FASTKD3: variants seen among roughly 807,000 people sequenced by gnomAD.
The protein encoded by FASTKD3 is FAST kinase domains 3.
In FASTKD3, 47 loss-of-function variants were observed where a neutral mutation model predicts 49.7. The ratio of observed to expected loss-of-function variants is 0.95; its 90% CI spans 0.75 to 1.21. FASTKD3 has a LOEUF of 1.21. Among genes scored for constraint, FASTKD3 ranks in the 50% most tolerant of loss-of-function variants. The pLI is 0.00. For missense variants in FASTKD3, 748 were observed against 765.7 expected (o/e 0.98, Z 0.27); for synonymous variants, 284 against 288.6 (o/e 0.98, Z 0.16).
At position 7,865,055 on chromosome 5, in the gene FASTKD3, G is replaced by A. The variant is rs545065692; in HGVS notation, c.1524+843C>T. 3.3e-5 allele frequency among the ~76,000 whole-genome samples: 5 copies of A among 152,152 alleles called. No individual in the cohort carries two copies. In the East Asian group the frequency reaches 5.8e-4, roughly 18 times the overall value. Reference sequence around the variant, plus strand: ...CATGTGATCTGTATGCACTGGCCTCGAGGGATGGCCATGATATACTGCGCA... The same window carrying A: ...CATGTGATCTGTATGCACTGGCCTCAAGGGATGGCCATGATATACTGCGCA... On this transcript the variant is annotated intron_variant, in intron 3 of 6. Coordinates refer to ENST00000264669, the MANE Select transcript of FASTKD3 (RefSeq NM_024091.4).
chr5:7,859,227 GTATC>G lies in FASTKD3; in HGVS notation c.*204_*207del. On this transcript the variant is annotated 3_prime_UTR_variant, in exon 7 of 7. Coordinates refer to ENST00000264669, the MANE Select transcript of FASTKD3 (RefSeq NM_024091.4). ...TGATCAATTGTTTGATGTACAAAAA[GTATC>G]TATGACACTAGTATTAAATTAAAAT... 3.0e-6 allele frequency: 1 copy of G among 338,796 alleles called. No individual in the cohort carries two copies. Among genetic ancestry groups the G allele is most frequent in the Non-Finnish European group, 5.3e-6 (1 of 189,466 alleles). 21.0% of individuals were successfully genotyped at this position (338,796 alleles called of 1,614,324 possible). A position where few individuals can be genotyped will look rare whatever the true frequency, so the allele number is the denominator to read the frequency against.
chr5:7,868,267 C>A (rs1747203386), intron 1 of FASTKD3, 71 bp from the exon 2 acceptor site: 2 of 536,930 alleles, frequency 3.7e-6, no homozygotes, highest in Admixed American at 3.7e-5. Context: ...GTCTCTGCAT[C>A]CTAGAGTTAG....
rs755999453 is a variant in FASTKD3 at position 7,867,631 on chromosome 5, T to C, written c.453A>G (p.Lys151=). Residue 151 remains lysine (K), a synonymous_variant, in exon 2 of 7, where the codon AAA becomes AAG. Transcript: ENST00000264669. ...EKKDGDQGLP[K]EILENSIFQA... ...GAAAGATGCTATTCTCCAGTATTTC[T>C]TTTGGCAGCCCTTGATCACCATCCT... The C allele has an allele frequency of 6.2e-7, 1 of 1,614,256 alleles. No individual in the cohort carries two copies. Among genetic ancestry groups the C allele is most frequent in the Non-Finnish European group, 8.5e-7 (1 of 1,180,046 alleles).
Position 7,867,821 on chromosome 5 carries a change from T to C in FASTKD3, c.263A>G (p.Asp88Gly). 1 of 1,614,214 alleles carries C rather than the reference T, an allele frequency of 6.2e-7. No homozygotes were observed. Among genetic ancestry groups the C allele is most frequent in the Admixed American group, 1.7e-5 (1 of 60,028 alleles). The part of the protein sequence containing the change: ...GPVFSQVSDC[D>G]RLEQNVKNEE... ...ATTTTTAACATTTTGTTCAAGCCTG[T>C]CGCAGTCAGATACTTGAGAGAACAC... The change falls in exon 2 of 7, where the codon GAC (aspartate) becomes GGC (glycine). Residue 88 changes from aspartate to glycine, a missense_variant. Around this residue, in one of 3 missense-constraint regions of FASTKD3, gnomAD observed 564 missense variants for 562.8 expected, o/e 1.00. Transcript: ENST00000264669.
chr5:7,862,190 A>ACAG (rs1211962950), intron 4 of FASTKD3: 1 of 152,458 alleles, frequency 6.6e-6, no homozygotes, highest in African/African-American at 2.4e-5. Flanking sequence ...AAGCCTATGA[A>ACAG]CTGCTGTCCT....
intron 3 of FASTKD3, among the ~76,000 whole-genome samples, chr5:7,864,984 T>C (rs188978927): frequency 7.7e-4 from 117 of 152,242 alleles, no homozygotes; most frequent in African/African-American, 2.6e-3. Context: ...AGTGCATCAA[T>C]AGTAGAATAA....
Position 7,861,201 on chromosome 5 carries a change from T to C in FASTKD3, c.1832A>G (p.Lys611Arg). 1 of 1,612,800 alleles carries C rather than the reference T, an allele frequency of 6.2e-7. No homozygotes were observed. Among genetic ancestry groups the C allele is most frequent in the Non-Finnish European group, 8.5e-7 (1 of 1,179,120 alleles). ...FCSNSKHLLG[K>R]EAIKQRHLQL... ...TAGGTGTCTTTGTTTAATAGCTTCT[T>C]TCCCCAGTAAGTGTTTGCTATTGGA... The change falls in exon 6 of 7, where the codon AAA becomes AGA. Residue 611 changes from lysine to arginine, a missense_variant. Transcript: ENST00000264669.
Position 7,861,159 on chromosome 5 carries a change from T to C in FASTKD3, c.1874A>G (p.Gln625Arg), listed in dbSNP as rs755858269. 11 of 1,601,944 alleles carry C rather than the reference T, an allele frequency of 6.9e-6. No individual in the cohort carries two copies. Residue 625 changes from glutamine (Q) to arginine (R), a missense_variant, in exon 6 of 7, where the codon CAA becomes CGA. Physicochemically the swap from Gln to Arg is conservative, Grantham distance 43. Around this residue, in one of 3 missense-constraint regions of FASTKD3, gnomAD observed 178 missense variants for 182.2 expected, o/e 0.98. Coordinates refer to ENST00000264669, the MANE Select transcript of FASTKD3 (RefSeq NM_024091.4). The part of the protein sequence containing the change: ...KQRHLQLLGY[Q>R]VVQIPYHEIG... Reference sequence around the variant, plus strand: ...TAGGTGAAACCGTACCTGAACAACTTGATAACCGAGTAACTGTAGGTGTCT... The same window carrying C: ...TAGGTGAAACCGTACCTGAACAACTCGATAACCGAGTAACTGTAGGTGTCT...
In FASTKD3 at chr5:7,868,041, C is replaced by G. The variant is rs1433282889; in HGVS notation, c.43G>C (p.Asp15His). 6.2e-7 allele frequency: 1 copy of G among 1,612,892 alleles called. No individual in the cohort carries two copies. The highest frequency in any genetic ancestry group is 8.5e-7 in the Non-Finnish European group (1 of 1,179,736). ...TLRKNLYRLSDFQMHRALAAL... is the reference protein window; with the variant it reads ...TLRKNLYRLSHFQMHRALAAL... ...GCCAGAGCTCTATGCATCTGAAAAT[C>G]AGATAAACGATAAAGGTTCTTCCTC... Residue 15 changes from aspartate (D) to histidine (H), a missense_variant, in exon 2 of 7, where the codon GAT (aspartate) becomes CAT (histidine). Asp to His is a moderately conservative substitution (Grantham distance 81). Coordinates refer to ENST00000264669, the MANE Select transcript of FASTKD3 (RefSeq NM_024091.4).
rs201282524 is a variant in FASTKD3 at position 7,867,023 on chromosome 5, G to C, written c.1061C>G (p.Ala354Gly). 1 of 1,614,150 alleles carries C rather than the reference G, an allele frequency of 6.2e-7. No individual in the cohort carries two copies. Among genetic ancestry groups the C allele is most frequent in the Non-Finnish European group, 8.5e-7 (1 of 1,180,032 alleles). ...CACCGCAGCTACACGATGCTCTAGG[G>C]CTTTTGTAAAAAATGTGTCATGGTG... ...FGHHDTFFTK[A>G]LEHRVAAVCL... Residue 354 changes from alanine to glycine, a missense_variant, in exon 2 of 7, where the codon GCC becomes GGC. Transcript: ENST00000264669.
At chr5:7,861,404 T>A (rs1473540357) in intron 5 of FASTKD3, 141 bp from the exon 6 acceptor site, 12 of 597,442 alleles carry the variant, frequency 2.0e-5, no homozygotes, top group Non-Finnish European at 3.2e-5. Context: ...ATGAATTTGA[T>A]CTTATTAATA....
intron 4 of FASTKD3, 69 bp from the exon 5 acceptor site, chr5:7,861,721 C>T: frequency 1.3e-6 from 2 of 1,552,390 alleles, no homozygotes; most frequent in Non-Finnish European, 8.7e-7. Context: ...TGTATTCATT[C>T]CTTTGCTTTG....
At position 7,867,071 on chromosome 5, in the gene FASTKD3, A is replaced by G; in HGVS notation, c.1013T>C (p.Leu338Ser). 6.2e-7 allele frequency: 1 copy of G among 1,614,198 alleles called. No individual in the cohort carries two copies. The highest frequency in any genetic ancestry group is 8.5e-7 in the Non-Finnish European group (1 of 1,180,028). Residue 338 changes from leucine to serine, a missense_variant, in exon 2 of 7, where the codon TTG becomes TCG. Physicochemically the swap from Leu to Ser is moderately radical, Grantham distance 145. This residue lies in a region of FASTKD3 where 564 missense variants were observed against 562.8 expected (regional missense o/e 1.00). Transcript: ENST00000264669. ...HFTNEELRRVLEAFIYFGHHD... is the reference protein window; with the variant it reads ...HFTNEELRRVSEAFIYFGHHD... ...GTGCCCAAAATATATGAACGCCTCC[A>G]AGACTCTCCTAAGCTCCTCGTTAGT...
intron 3 of FASTKD3, among the ~76,000 whole-genome samples, chr5:7,865,373 T>G (rs1370631572): frequency 6.6e-6 from 1 of 152,136 alleles, no homozygotes; most frequent in Non-Finnish European, 1.5e-5. Flanking sequence ...AATGTCATAG[T>G]CTGGTGTGCT....
rs1468880069 is a variant in FASTKD3, at chr5:7,861,094, T to C, written c.1884+55A>G. On this transcript the variant is annotated intron_variant, in intron 6 of 6. Transcript: ENST00000264669. ...ACTTTTTAAAAGTAACCTGGAAAAA[T>C]AATTTTGAAATAGGATTTGCTTTTG... 3 of 1,073,480 alleles carry C rather than the reference T, an allele frequency of 2.8e-6. No individual in the cohort carries two copies. The East Asian group carries it at 7.2e-5, about 26-fold the overall frequency. The allele number at this position is 1,073,480 out of a possible 1,614,324, so 66.5% of individuals were successfully genotyped here. A position where few individuals can be genotyped will look rare whatever the true frequency, so the allele number is the denominator to read the frequency against.
intron 3 of FASTKD3, among the ~76,000 whole-genome samples, chr5:7,864,190 T>C (rs1005655831): frequency 6.6e-6 from 1 of 152,160 alleles, no homozygotes; most frequent in Non-Finnish European, 1.5e-5. Context: ...AATAAAATGA[T>C]AGATATGGAG....
At chr5:7,862,799 A>C (rs1746648965) in intron 4 of FASTKD3, 24 bp downstream of exon 4, 1 of 1,590,318 alleles carries the variant, frequency 6.3e-7, no homozygotes, top group East Asian at 2.2e-5. Context: ...GGTTTAAAAC[A>C]ACAAAACTCC....
At chr5:7,864,419 T>C (rs16879248) in intron 3 of FASTKD3, among the ~76,000 whole-genome samples, 6,154 of 152,192 alleles carry the variant, frequency 0.04, 276 homozygotes, top group East Asian at 0.21. Context: ...TCGGAAGTCA[T>C]AAAAGACAGA....
Position 7,866,885 on chromosome 5 carries a change from G to A in FASTKD3, c.1199C>T (p.Thr400Ile). 1.2e-6 allele frequency: 2 copies of A among 1,614,032 alleles called. No homozygotes were observed. The highest frequency in any genetic ancestry group is 2.2e-5 in the East Asian group (1 of 44,880). ...AATCTGACGAGGTGAAAATTTTTCT[G>A]TTTGGCAAACAAAAGTTTCTGCCAC... ...NAVAETFVCQ[T>I]EKFSPRQISA... is the part of the protein sequence containing the mutation. Residue 400 changes from threonine to isoleucine, a missense_variant, in exon 2 of 7, where the codon ACA (threonine) becomes ATA (isoleucine). This residue lies in a region of FASTKD3 where 564 missense variants were observed against 562.8 expected (regional missense o/e 1.00). Coordinates refer to ENST00000264669, the MANE Select transcript of FASTKD3 (RefSeq NM_024091.4).
Sources: gnomAD v4.1 joint callset for allele counts (sites outside exome capture counted in the v4.1 genomes callset) on GRCh38, gnomAD v4.1.1 for gene constraint, gnomAD v4.1.1 regional missense constraint, MANE v1.5 for transcripts, NCBI Gene and HGNC (gene_info 2026-07-23, HGNC 2026-07-21) for gene names.